XKR9: variants seen among roughly 807,000 people sequenced by gnomAD.
XKR9 encodes XK related 9, also known as XK-related protein 9.
In XKR9, 32 loss-of-function variants were observed where a neutral mutation model predicts 32.0. The ratio of observed to expected loss-of-function variants is 1.00; its 90% confidence interval spans 0.76 to 1.34. The LOEUF (loss-of-function observed/expected upper bound fraction) is 1.34. Among genes scored for constraint, XKR9 ranks in the 40% most tolerant of loss-of-function variants. The pLI, the probability that XKR9 is intolerant of heterozygous loss-of-function variation, is 0.00. For synonymous variants in XKR9, 168 were observed against 143.4 expected (o/e 1.17, Z -1.22); for missense variants, 546 against 429.7 (o/e 1.27, Z -2.39).
chr8:70,825,934 A>G, the XKR9 span, among the ~76,000 whole-genome samples: 1 of 152,138 alleles, frequency 6.6e-6, no homozygotes. Flanking sequence ...TTCCTTCAGA[A>G]TGGTCCAATT....
At chr8:70,740,850 G>A (rs1397845690), downstream of XKR9, among the ~76,000 whole-genome samples, 1 of 152,194 alleles carries the variant, frequency 6.6e-6, no homozygotes, top group African/African-American at 2.4e-5. Flanking sequence ...GGAGTACCTG[G>A]CCGTGTGAGG....
At position 70,680,933 on chromosome 8, in the gene XKR9, A is replaced by G. The variant is rs1819056899; in HGVS notation, c.-126A>G. 1.2e-6 allele frequency: 1 copy of G among 809,484 alleles called. No individual in the cohort carries two copies. Among genetic ancestry groups the G allele is most frequent in the Non-Finnish European group, 1.9e-6 (1 of 537,414 alleles). 50.1% of individuals were successfully genotyped at this position (809,484 alleles called of 1,614,324 possible). On this transcript the variant is annotated 5_prime_UTR_variant, in exon 3 of 5. Coordinates refer to ENST00000408926, the MANE Select transcript of XKR9 (RefSeq NM_001011720.2). ...TCATAATATTTATTCTTTCTTCTAAATAGATTTAGGGAGTAGAAATTAAAA... is the reference window on the plus strand; with the variant it reads ...TCATAATATTTATTCTTTCTTCTAAGTAGATTTAGGGAGTAGAAATTAAAA...
intron 2 of XKR9, among the ~76,000 whole-genome samples, chr8:70,742,456 C>G (rs1166443932): frequency 1.3e-5 from 2 of 152,182 alleles, no homozygotes; most frequent in Admixed American, 1.3e-4. Flanking sequence ...AATAAAGGGC[C>G]TAAAGACTTT....
the XKR9 span, among the ~76,000 whole-genome samples, chr8:71,028,546 G>T: frequency 6.6e-6 from 1 of 152,102 alleles, no homozygotes. Flanking sequence ...TAGACAGGCG[G>T]AACAGCTTTT....
At chr8:70,760,424 A>T (rs2130206133) in intron 2 of XKR9, among the ~76,000 whole-genome samples, 1 of 152,360 alleles carries the variant, frequency 6.6e-6, no homozygotes, top group African/African-American at 2.4e-5. Context: ...GTGAATTATT[A>T]CACAGCAGTT....
the XKR9 span, among the ~76,000 whole-genome samples, chr8:71,046,118 T>TATAA: frequency 2.6e-5 from 4 of 152,212 alleles, no homozygotes; most frequent in Non-Finnish European, 1.5e-5. Flanking sequence ...TTCCATATTA[T>TATAA]AATCACTTTA....
chr8:70,838,834 A>G, the XKR9 span, among the ~76,000 whole-genome samples: 3 of 152,070 alleles, frequency 2.0e-5, no homozygotes, highest in African/African-American at 7.2e-5. Flanking sequence ...TGTCCTCTAC[A>G]AAAGTAGAAA....
At chr8:71,035,316 G>T in the XKR9 span, among the ~76,000 whole-genome samples, 5 of 152,236 alleles carry the variant, frequency 3.3e-5, no homozygotes, top group South Asian at 1.0e-3. Flanking sequence ...TAAATAGGAG[G>T]TTTTCTAACC....
At chr8:70,775,147 A>C (rs1178173608) in intron 2 of XKR9, among the ~76,000 whole-genome samples, 1 of 152,142 alleles carries the variant, frequency 6.6e-6, no homozygotes, top group African/African-American at 2.4e-5. Context: ...ATATATCAAC[A>C]TAACTGAGTC....
chr8:70,683,082 T>A (rs553691993), intron 3 of XKR9, among the ~76,000 whole-genome samples: 2 of 152,234 alleles, frequency 1.3e-5, no homozygotes, highest in Non-Finnish European at 2.9e-5. Flanking sequence ...TCAGCAAATA[T>A]TTCCAAGCAA....
the XKR9 span, among the ~76,000 whole-genome samples, chr8:70,959,162 G>T: frequency 1.3e-5 from 2 of 152,024 alleles, no homozygotes; most frequent in African/African-American, 4.8e-5. Flanking sequence ...TTAAAAATGA[G>T]CACATTTGTA....
the XKR9 span, among the ~76,000 whole-genome samples, chr8:70,931,057 T>C: frequency 6.6e-6 from 1 of 152,134 alleles, no homozygotes; most frequent in African/African-American, 2.4e-5. Context: ...ATATTTGAAT[T>C]TGGACTGAGA....
the XKR9 span, among the ~76,000 whole-genome samples, chr8:70,997,608 C>G: frequency 1.1e-4 from 16 of 146,344 alleles, no homozygotes; most frequent in Admixed American, 8.8e-4. Flanking sequence ...GTTGGGGACA[C>G]GGGGGAAAGG....
At chr8:71,004,279 G>A in the XKR9 span, among the ~76,000 whole-genome samples, 1 of 151,798 alleles carries the variant, frequency 6.6e-6, no homozygotes, top group Non-Finnish European at 1.5e-5. Context: ...GGTGGGCTTT[G>A]GTATCCCAGT....
intron 2 of XKR9, among the ~76,000 whole-genome samples, chr8:70,756,459 T>A (rs1229964328): frequency 3.3e-5 from 5 of 152,216 alleles, no homozygotes; most frequent in African/African-American, 4.8e-5. Flanking sequence ...TTGGGGAATA[T>A]TGCTATTTAA....
the XKR9 span, among the ~76,000 whole-genome samples, chr8:70,897,046 C>T: frequency 6.6e-6 from 1 of 152,096 alleles, no homozygotes; most frequent in Admixed American, 6.6e-5. Flanking sequence ...CTACCCTTCC[C>T]AGCCTGTTCT....
At chr8:70,847,595 AAG>A in the XKR9 span, among the ~76,000 whole-genome samples, 1 of 151,700 alleles carries the variant, frequency 6.6e-6, no homozygotes, top group African/African-American at 2.4e-5. Context: ...ATAAGAAAAA[AAG>A]AGAAAAGACC....
chr8:70,709,620 G>A (rs764672560), intron 4 of XKR9, among the ~76,000 whole-genome samples: 2 of 152,052 alleles, frequency 1.3e-5, no homozygotes, highest in African/African-American at 2.4e-5. Context: ...ATACAAGATC[G>A]ATGTACAAAA....
At chr8:70,882,420 C>A in the XKR9 span, among the ~76,000 whole-genome samples, 2 of 151,322 alleles carry the variant, frequency 1.3e-5, no homozygotes, top group Non-Finnish European at 1.5e-5. Context: ...TTTTCAAATG[C>A]GTATACTTTA....
Sources: gnomAD v4.1 joint callset for allele counts (sites outside exome capture counted in the v4.1 genomes callset) on GRCh38, gnomAD v4.1.1 for gene constraint, MANE v1.5 for transcripts, NCBI Gene and HGNC (gene_info 2026-07-23, HGNC 2026-07-21) for gene names.